The following GCM1 variants were observed in gnomAD, a reference collection of about 807,000 sequenced individuals.
GCM1 encodes the protein GCM transcription factor 1, also known as chorion-specific transcription factor GCMa.
A neutral mutation model predicts 25.7 loss-of-function variants in GCM1; 2 were observed. That is an observed-to-expected ratio of 0.08 (90% CI 0.03 to 0.24). The LOEUF (loss-of-function observed/expected upper bound fraction) is 0.24, where lower values mean the gene tolerates loss of function less well. Ranked by LOEUF, GCM1 falls within the 10% of genes least tolerant of loss-of-function variation. The probability of loss-of-function intolerance (pLI) is 1.00; values close to 1 mark genes in which losing one functional copy is unlikely to be tolerated. For synonymous variants in GCM1, 183 were observed against 195.7 expected (o/e 0.94, Z 0.54); for missense variants, 395 against 538.7 (o/e 0.73, Z 2.64).
At chr6:53,134,554 T>C (rs115261191) in intron 2 of GCM1, among the ~76,000 whole-genome samples, 4,323 of 152,302 alleles carry the variant, frequency 0.028, 72 homozygotes, top group Middle Eastern at 0.092. Flanking sequence ...CCAAAATAAA[T>C]GATAGCCCCT....
chr6:53,143,760 G>A (rs1415685893), intron 2 of GCM1, among the ~76,000 whole-genome samples: 1 of 147,328 alleles, frequency 6.8e-6, no homozygotes, highest in African/African-American at 2.5e-5. Context: ...GGAAAGTGGG[G>A]CACACTTTCT....
rs145721869 is a variant in GCM1 at position 53,128,539 on chromosome 6, G to T, written c.978C>A (p.Ser326Arg). Reference sequence around the variant, plus strand: ...CTGAAGAGTTTTGGGAAGGAGAGAAGCTGCAAGGCCAGCTGGTCAGAGGAA... The same window carrying T: ...CTGAAGAGTTTTGGGAAGGAGAGAATCTGCAAGGCCAGCTGGTCAGAGGAA... ...YPFPLTSWPC[S>R]FSPSQNSSEP... Residue 326 changes from serine to arginine, a missense_variant, in exon 6 of 6, where the codon AGC (serine) becomes AGA (arginine). Transcript: ENST00000259803. 8.7e-5 allele frequency: 141 copies of T among 1,613,404 alleles called. No homozygotes were observed. The highest frequency in any genetic ancestry group is 1.2e-4 in the Non-Finnish European group (138 of 1,179,470).
chr6:53,139,663 C>T (rs1205513033), intron 2 of GCM1, among the ~76,000 whole-genome samples: 1 of 151,972 alleles, frequency 6.6e-6, no homozygotes, highest in Non-Finnish European at 1.5e-5. Flanking sequence ...GTCAGGAGAT[C>T]AAGAACATCC....
chr6:53,132,757 G>A (rs1378998289), intron 3 of GCM1, among the ~76,000 whole-genome samples: 2 of 152,120 alleles, frequency 1.3e-5, no homozygotes, highest in African/African-American at 2.4e-5. Flanking sequence ...TAGAACTAAG[G>A]GTCAAGGGGC....
chr6:53,148,447 C>A (rs1763996277), intron 1 of GCM1, among the ~76,000 whole-genome samples: 1 of 152,072 alleles, frequency 6.6e-6, no homozygotes, highest in African/African-American at 2.4e-5. Flanking sequence ...TTAGATTTTT[C>A]TCTCGATATT....
At chr6:53,147,256 T>C (rs1448386927) in intron 1 of GCM1, among the ~76,000 whole-genome samples, 1 of 152,052 alleles carries the variant, frequency 6.6e-6, no homozygotes, top group African/African-American at 2.4e-5. Flanking sequence ...TAGTACGATA[T>C]GAAGTGAAAC....
At chr6:53,133,157 C>T (rs974934489) in intron 3 of GCM1, among the ~76,000 whole-genome samples, 1 of 152,138 alleles carries the variant, frequency 6.6e-6, no homozygotes, top group Non-Finnish European at 1.5e-5. Flanking sequence ...TTAACATTAA[C>T]CCCTGAAGGG....
chr6:53,137,140 TAG>T (rs1763813639), intron 2 of GCM1, among the ~76,000 whole-genome samples: 1 of 152,136 alleles, frequency 6.6e-6, no homozygotes, highest in South Asian at 2.1e-4. Context: ...GTATAAATAA[TAG>T]GAGGGTGGCA....
Position 53,128,715 on chromosome 6 carries a change from A to G in GCM1, c.802T>C (p.Leu268=), listed in dbSNP as rs1462424825. The change falls in exon 6 of 6, where the codon TTG becomes CTG. Residue 268 remains leucine, a synonymous_variant. Coordinates refer to ENST00000259803, the MANE Select transcript of GCM1 (RefSeq NM_003643.4). ...CTACTGTAGGTTCTGCTACTGGACA[A>G]TTTGCGCTTTTCATAGAGCTTCATG... ...DPMKLYEKRK[L]SSSRTYSSGD... is the part of the protein sequence containing the mutation. The G allele has an allele frequency of 6.2e-7, 1 of 1,614,126 alleles. No homozygotes were observed. Among genetic ancestry groups the G allele is most frequent in the Non-Finnish European group, 8.5e-7 (1 of 1,179,966 alleles).
intron 2 of GCM1, among the ~76,000 whole-genome samples, chr6:53,135,145 C>T (rs1199450718): frequency 2.6e-5 from 4 of 152,158 alleles, no homozygotes; most frequent in African/African-American, 9.7e-5. Flanking sequence ...ACATCACAGA[C>T]AAGGAGAGTT....
At chr6:53,130,762 C>T in intron 5 of GCM1, 41 bp downstream of exon 5, 2 of 1,569,778 alleles carry the variant, frequency 1.3e-6, no homozygotes, top group South Asian at 1.2e-5. Context: ...ACAGGCGTGG[C>T]AAGCTACTGC....
At chr6:53,134,463 T>G in intron 2 of GCM1, 139 bp from the exon 3 acceptor site, 1 of 744,700 alleles carries the variant, frequency 1.3e-6, no homozygotes, top group Non-Finnish European at 2.2e-6. Context: ...CTCCCTACAT[T>G]TAATTCTGAC....
At chr6:53,134,625 C>G (rs953342179) in intron 2 of GCM1, among the ~76,000 whole-genome samples, 24 of 152,294 alleles carry the variant, frequency 1.6e-4, no homozygotes, top group African/African-American at 5.1e-4. Flanking sequence ...GACCATTTCT[C>G]AGTAGGAATT....
chr6:53,131,160 T>C (rs1450013636), intron 4 of GCM1, among the ~76,000 whole-genome samples: 1 of 152,184 alleles, frequency 6.6e-6, no homozygotes, highest in Non-Finnish European at 1.5e-5. Flanking sequence ...TAAGTAACAC[T>C]TACTAAATGC....
intron 2 of GCM1, among the ~76,000 whole-genome samples, chr6:53,142,870 C>CAAAAAAAAA (rs60718730): frequency 3.2e-4 from 12 of 37,534 alleles, no homozygotes; most frequent in Non-Finnish European, 5.4e-4. Flanking sequence ...CAAGGATCTC[C>CAAAAAAAAA]AAAAAAAAAA....
At chr6:53,133,733 A>G (rs1277319734) in intron 3 of GCM1, among the ~76,000 whole-genome samples, 1 of 152,012 alleles carries the variant, frequency 6.6e-6, no homozygotes, top group Non-Finnish European at 1.5e-5. Context: ...GCCTCAATTT[A>G]TCCTCTCATC....
At position 53,134,192 on chromosome 6, in the gene GCM1, G is replaced by A. The variant is rs1330288038; in HGVS notation, c.208C>T (p.Arg70Cys). ...CCCAGGCAGGACTTCTTGAGGATGC[G>A]GGAGTTGTGGTTGTTGGTATTGCGC... ...AMRNTNNHNS[R>C]ILKKSCLGVV... The change falls in exon 3 of 6, where the codon CGC (arginine) becomes TGC (cysteine). Residue 70 changes from arginine to cysteine, a missense_variant. By Grantham distance (180) the Arg-to-Cys change is radical. This residue lies in a region of GCM1 where 7 missense variants were observed against 42.8 expected (regional missense o/e 0.16). Coordinates refer to ENST00000259803, the MANE Select transcript of GCM1 (RefSeq NM_003643.4). The A allele has an allele frequency of 1.2e-6, 2 of 1,614,074 alleles. No homozygotes were observed. The highest frequency in any genetic ancestry group is 1.7e-6 in the Non-Finnish European group (2 of 1,180,032).
intron 2 of GCM1, among the ~76,000 whole-genome samples, chr6:53,138,320 G>GTATGGACTGA (rs1386554470): frequency 2.2e-4 from 32 of 148,610 alleles, no homozygotes; most frequent in Admixed American, 1.2e-3. Flanking sequence ...TTTGGACAAC[G>GTATGGACTGA]TATGGACTGA....
chr6:53,142,366 G>T (rs1207994698), intron 2 of GCM1, among the ~76,000 whole-genome samples: 1 of 152,092 alleles, frequency 6.6e-6, no homozygotes. Flanking sequence ...AATAAGTTGG[G>T]GTAATACTGC....
Sources: gnomAD v4.1 joint callset for allele counts (sites outside exome capture counted in the v4.1 genomes callset) on GRCh38, gnomAD v4.1.1 for gene constraint, gnomAD v4.1.1 regional missense constraint, MANE v1.5 for transcripts, NCBI Gene and HGNC (gene_info 2026-07-23, HGNC 2026-07-21) for gene names.